PLCH1: variants seen among roughly 807,000 people sequenced by gnomAD.
PLCH1 encodes the protein 1-phosphatidylinositol 4,5-bisphosphate phosphodiesterase eta-1.
PLCH1 carries 60 observed loss-of-function variants against 126.7 expected under a neutral mutation model. The observed-to-expected ratio is 0.47, with a 90% confidence interval of 0.38 to 0.59. The LOEUF (loss-of-function observed/expected upper bound fraction) is 0.59, where lower values mean the gene tolerates loss of function less well. Ranked by LOEUF, PLCH1 falls within the 20% of genes least tolerant of loss-of-function variation. The pLI is 0.00. For missense variants in PLCH1, 1,723 were observed against 2,040.0 expected (o/e 0.84, Z 2.99); for synonymous variants, 719 against 734.9 (o/e 0.98, Z 0.35).
Position 155,677,496 on chromosome 3 carries a change from T to C in PLCH1, c.79+26650A>G, listed in dbSNP as rs189929306. ...TCTACCATACATACATACATCACTA[T>C]ACAAAATAGCCATTAAGAGTTTAGG... On this transcript the variant is annotated intron_variant, in intron 2 of 22. Transcript: ENST00000460012. 9.4e-3 allele frequency among the ~76,000 whole-genome samples: 1,431 copies of C among 152,332 alleles called. 19 individuals carry two copies. Among genetic ancestry groups the C allele is most frequent in the Non-Finnish European group, 0.01 (696 of 68,030 alleles).
At chr3:155,703,239 G>A (rs2109080210) in intron 2 of PLCH1, among the ~76,000 whole-genome samples, 1 of 152,306 alleles carries the variant, frequency 6.6e-6, no homozygotes, top group East Asian at 1.9e-4. Context: ...CATTAAGTCT[G>A]TCATCAAATT....
rs555386487 is a variant in PLCH1 at position 155,666,932 on chromosome 3, A to G, written c.79+37214T>C. On this transcript the variant is annotated intron_variant, in intron 2 of 22. Transcript: ENST00000460012. ...TGTGTGTGTGTGTGTGTGTGTGTGC[A>G]TGTGTGTGTAAGACAGATACTAAAA... 2.9e-3 allele frequency among the ~76,000 whole-genome samples: 419 copies of G among 144,458 alleles called. 3 individuals carry two copies. The highest frequency in any genetic ancestry group is 3.1e-3 in the Non-Finnish European group (202 of 64,754). The allele number at this position is 144,458 out of a possible 152,430, so 94.8% of individuals were successfully genotyped here.
At chr3:155,457,316 A>G (rs2352) in intron 21 of PLCH1, 57,247 of 152,146 alleles carry the variant, frequency 0.38, 13,208 homozygotes, top group African/African-American at 0.65. Context: ...GGCAGCCAAA[A>G]GTGAATAGCA....
At chr3:155,489,075 T>C (rs892450881) in intron 19 of PLCH1, among the ~76,000 whole-genome samples, 1 of 152,234 alleles carries the variant, frequency 6.6e-6, no homozygotes, top group Middle Eastern at 3.2e-3. Context: ...AGAGAAGCTC[T>C]TTAGTATTCA....
At chr3:155,502,865 G>A (rs1231542166) in intron 13 of PLCH1, among the ~76,000 whole-genome samples, 1 of 152,120 alleles carries the variant, frequency 6.6e-6, no homozygotes, top group Non-Finnish European at 1.5e-5. Flanking sequence ...TCAATATTTT[G>A]TGATAATGAC....
At chr3:155,624,023 C>G (rs1736896630) in intron 2 of PLCH1, among the ~76,000 whole-genome samples, 1 of 152,198 alleles carries the variant, frequency 6.6e-6, no homozygotes, top group Non-Finnish European at 1.5e-5. Flanking sequence ...CAAACCGAAT[C>G]CAACAGCACA....
At chr3:155,492,620 G>T in intron 18 of PLCH1, 109 bp downstream of exon 18, 8 of 965,748 alleles carry the variant, frequency 8.3e-6, no homozygotes, top group Non-Finnish European at 1.2e-5. Context: ...TGAGGTCAGT[G>T]CTCAGTTATG....
rs141792186 is a variant in PLCH1, at chr3:155,526,777, G to A, written c.1363-2773C>T. Among the ~76,000 whole-genome samples, 721 of 152,308 alleles carry A rather than the reference G, an allele frequency of 4.7e-3. 7 individuals carry two copies. The highest frequency in any genetic ancestry group is 0.017 in the African/African-American group (692 of 41,568). On this transcript the variant is annotated intron_variant, in intron 10 of 22. Transcript: ENST00000460012. The stretch of plus-strand genomic sequence containing the variant: ...CACACCCAGGTTCCTGACCTACAGG[G>A]ACTGTGGAATATTCAATGTTTGTTT...
At chr3:155,473,660 C>G (rs59738712) in intron 21 of PLCH1, among the ~76,000 whole-genome samples, 16 of 150,690 alleles carry the variant, frequency 1.1e-4, no homozygotes, top group Non-Finnish European at 1.0e-4. Context: ...GCATCACACT[C>G]CCTGACTTCA....
chr3:155,681,328 T>C (rs1744516251), intron 2 of PLCH1, among the ~76,000 whole-genome samples: 1 of 152,248 alleles, frequency 6.6e-6, no homozygotes, highest in African/African-American at 2.4e-5. Context: ...TTCCAGATAC[T>C]GTTCCTAGCA....
At chr3:155,490,727 G>T in intron 19 of PLCH1, 57 bp downstream of exon 19, 5 of 976,838 alleles carry the variant, frequency 5.1e-6, no homozygotes, top group Admixed American at 3.7e-5. Flanking sequence ...TTTTTTTAGT[G>T]TAAATTCTAT....
At chr3:155,681,316 T>C (rs566688318) in intron 2 of PLCH1, among the ~76,000 whole-genome samples, 155 of 152,346 alleles carry the variant, frequency 1.0e-3, no homozygotes, top group Middle Eastern at 3.4e-3. Context: ...CACTTTACTA[T>C]GTTCCAGATA....
intron 8 of PLCH1, among the ~76,000 whole-genome samples, chr3:155,559,242 G>A (rs891885595): frequency 2.0e-5 from 3 of 152,028 alleles, no homozygotes; most frequent in Non-Finnish European, 4.4e-5. Flanking sequence ...TTAACTATGA[G>A]TTGAATCTCT....
At chr3:155,645,288 C>T (rs1739889007) in intron 2 of PLCH1, among the ~76,000 whole-genome samples, 1 of 152,222 alleles carries the variant, frequency 6.6e-6, no homozygotes, top group African/African-American at 2.4e-5. Context: ...CGGCACACTG[C>T]AGTCTCAAAC....
At chr3:155,661,027 A>G (rs1316895410) in intron 2 of PLCH1, among the ~76,000 whole-genome samples, 1 of 152,252 alleles carries the variant, frequency 6.6e-6, no homozygotes, top group Non-Finnish European at 1.5e-5. Flanking sequence ...GTCCTCTGCC[A>G]AATTTGTCAG....
intron 2 of PLCH1, among the ~76,000 whole-genome samples, chr3:155,655,841 T>C (rs982862835): frequency 6.6e-6 from 1 of 152,070 alleles, no homozygotes; most frequent in Admixed American, 6.6e-5. Flanking sequence ...GAATTAAAGA[T>C]GAAATTTTAA....
At chr3:155,607,052 A>C (rs1734457705) in intron 2 of PLCH1, among the ~76,000 whole-genome samples, 1 of 152,192 alleles carries the variant, frequency 6.6e-6, no homozygotes, top group South Asian at 2.1e-4. Context: ...AATGGTGTGA[A>C]CTTTAAGTCA....
intron 2 of PLCH1, among the ~76,000 whole-genome samples, chr3:155,676,849 A>C (rs535581285): frequency 6.6e-6 from 1 of 152,174 alleles, no homozygotes; most frequent in South Asian, 2.1e-4. Context: ...TTAAAAAAAA[A>C]ATCACATGCC....
At chr3:155,704,685 A>G (rs1372086500) in intron 1 of PLCH1, among the ~76,000 whole-genome samples, 3 of 152,300 alleles carry the variant, frequency 2.0e-5, no homozygotes, top group African/African-American at 4.8e-5. Flanking sequence ...ATCATTCCCA[A>G]TTCCTGAATT....
Sources: gnomAD v4.1 joint callset for allele counts (sites outside exome capture counted in the v4.1 genomes callset) on GRCh38, gnomAD v4.1.1 for gene constraint, MANE v1.5 for transcripts, NCBI Gene and HGNC (gene_info 2026-07-23, HGNC 2026-07-21) for gene names.